Variants in CRLS1 observed in about 807,000 individuals in gnomAD.
CRLS1 encodes the protein cardiolipin synthase (CMP-forming).
A neutral mutation model predicts 37.0 loss-of-function variants in CRLS1; 24 were observed. That is an observed-to-expected ratio of 0.65 (90% CI 0.47 to 0.91). The LOEUF is 0.91. Among genes scored for constraint, CRLS1 ranks in the 40% least tolerant of loss-of-function variants. The pLI is 0.00. For missense variants in CRLS1, 373 were observed against 395.8 expected, an observed-to-expected ratio of 0.94 and a Z score of 0.49; for synonymous variants, 135 against 159.7, an observed-to-expected ratio of 0.85 and a Z score of 1.17.
chr20:6,031,190 T>G, intron 3 of CRLS1, 95 bp from the exon 4 acceptor site: 1 of 754,522 alleles, frequency 1.3e-6, no homozygotes, highest in Admixed American at 3.4e-5. Context: ...AAAACAGCAG[T>G]TTGTGGTAAG....
At chr20:6,021,634 CAT>C (rs1013981852) in intron 3 of CRLS1, among the ~76,000 whole-genome samples, 52 of 152,134 alleles carry the variant, frequency 3.4e-4, no homozygotes, top group African/African-American at 1.0e-3. Flanking sequence ...ATGTAAATAA[CAT>C]ATTTTAAATA....
intron 2 of CRLS1, among the ~76,000 whole-genome samples, chr20:6,015,154 G>A (rs1036866150): frequency 2.6e-5 from 4 of 152,050 alleles, no homozygotes; most frequent in Non-Finnish European, 4.4e-5. Context: ...GAAAATAAAT[G>A]TGCATTTATT....
chr20:6,023,417 C>T (rs1869044716), intron 3 of CRLS1: 1 of 152,086 alleles, frequency 6.6e-6, no homozygotes, highest in African/African-American at 2.4e-5. Context: ...CCACATAGAC[C>T]ACCAGGTGAT....
intron 1 of CRLS1, 158 bp downstream of exon 1, chr20:6,006,710 A>T (rs2090061301): frequency 1.0e-6 from 1 of 985,116 alleles, no homozygotes; most frequent in Non-Finnish European, 1.2e-6. Flanking sequence ...TTCGGTCGGG[A>T]TGAATTTCAG....
chr20:6,018,318 T>C (rs1043425079), intron 3 of CRLS1, among the ~76,000 whole-genome samples: 1 of 152,046 alleles, frequency 6.6e-6, no homozygotes, highest in Non-Finnish European at 1.5e-5. Flanking sequence ...CGAAACTTGC[T>C]AACTTGTATT....
chr20:6,035,410 C>T (rs1002263461), intron 6 of CRLS1, among the ~76,000 whole-genome samples: 2 of 152,066 alleles, frequency 1.3e-5, no homozygotes, highest in African/African-American at 4.8e-5. Flanking sequence ...TAAGGTGATG[C>T]AAGAACTTAA....
At chr20:6,021,256 G>C (rs940601483) in intron 3 of CRLS1, among the ~76,000 whole-genome samples, 2 of 151,754 alleles carry the variant, frequency 1.3e-5, no homozygotes, top group African/African-American at 2.4e-5. Context: ...TAGTAGAGAC[G>C]GGGTTTCACC....
chr20:6,011,731 A>G (rs765860876), intron 2 of CRLS1, among the ~76,000 whole-genome samples: 6 of 150,374 alleles, frequency 4.0e-5, no homozygotes, highest in Admixed American at 1.3e-4. Context: ...GATTACTGGC[A>G]TGCACCACCA....
Position 6,015,351 on chromosome 20 carries a change from C to A in CRLS1, c.445-10C>A. 3 of 1,544,006 alleles carry A rather than the reference C, an allele frequency of 1.9e-6. No homozygotes were observed. The highest frequency in any genetic ancestry group is 1.2e-5 in the South Asian group (1 of 82,776). On this transcript the variant is annotated splice_polypyrimidine_tract_variant and intron_variant, in intron 2 of 6. Transcript: ENST00000378863. ...CATTTATATATATAAAAAAAAACTT[C>A]TATTTTCAGTTGGATGGATTTATTG... is the stretch of plus-strand genomic sequence containing the variant.
intron 3 of CRLS1, chr20:6,031,053 C>T (rs1980126736): frequency 7.7e-6 from 3 of 391,212 alleles, no homozygotes; most frequent in Non-Finnish European, 1.4e-5. Flanking sequence ...CAGATACAGA[C>T]TTCAAAGCCA....
At position 6,034,497 on chromosome 20, in the gene CRLS1, G is replaced by C; in HGVS notation, c.763G>C (p.Ala255Pro). 6.2e-7 allele frequency: 1 copy of C among 1,613,138 alleles called. No homozygotes were observed. Among genetic ancestry groups the C allele is most frequent in the Non-Finnish European group, 8.5e-7 (1 of 1,179,946 alleles). ...AGCAGTCCAGTTAATCTTGGTGGCA[G>C]CTTCTTTGGCAGCTCCAGTTTTCAA... The part of the protein sequence containing the change: ...NTAVQLILVA[A>P]SLAAPVFNYA... Residue 255 changes from alanine (A) to proline (P), a missense_variant, in exon 6 of 7, where the codon GCT becomes CCT. Transcript: ENST00000378863.
chr20:6,024,097 G>T (rs6053833), intron 3 of CRLS1, among the ~76,000 whole-genome samples: 112,575 of 151,816 alleles, frequency 0.74, 42,856 homozygotes, highest in African/African-American at 0.92. Context: ...AGACTACAGA[G>T]GTACACCACC....
chr20:6,026,730 C>T (rs1042735944), intron 3 of CRLS1, among the ~76,000 whole-genome samples: 2 of 152,138 alleles, frequency 1.3e-5, no homozygotes, highest in Non-Finnish European at 2.9e-5. Flanking sequence ...TAAGTCTATT[C>T]TGTAGATCCT....
intron 3 of CRLS1, among the ~76,000 whole-genome samples, chr20:6,024,683 C>T (rs914608690): frequency 6.6e-6 from 1 of 152,148 alleles, no homozygotes; most frequent in East Asian, 1.9e-4. Flanking sequence ...AAAGCTAGGC[C>T]GGTTGTGCCA....
intron 1 of CRLS1, chr20:6,007,181 G>C: frequency 7.3e-7 from 1 of 1,364,184 alleles, no homozygotes; most frequent in Non-Finnish European, 9.6e-7. Flanking sequence ...TTGATGTCAT[G>C]TTAGCAAGAC....
intron 5 of CRLS1, among the ~76,000 whole-genome samples, chr20:6,032,396 A>G (rs571881923): frequency 7.6e-6 from 1 of 131,954 alleles, no homozygotes; most frequent in East Asian, 2.2e-4. Flanking sequence ...ACAAGGTCTT[A>G]CTTTGTTGCC....
rs2123040788 is a variant in CRLS1 at position 6,038,136 on chromosome 20, A to C, written c.*978A>C. The C allele has an allele frequency of 6.6e-6, 1 of 152,338 alleles. No homozygotes were observed. The highest frequency in any genetic ancestry group is 1.9e-4 in the East Asian group (1 of 5,182). The allele number at this position is 152,338 out of a possible 1,614,324, so 9.4% of individuals were successfully genotyped here. On this transcript the variant is annotated 3_prime_UTR_variant, in exon 7 of 7. Coordinates refer to ENST00000378863, the MANE Select transcript of CRLS1 (RefSeq NM_019095.6). ...TTCACAGAGTCCATTCATGTACATC[A>C]CTTACACTTAAATTGTAAAAATAAT...
chr20:6,024,699 C>G (rs924736040), intron 3 of CRLS1, among the ~76,000 whole-genome samples: 1 of 152,170 alleles, frequency 6.6e-6, no homozygotes, highest in Non-Finnish European at 1.5e-5. Flanking sequence ...TGCCAAATAG[C>G]TAGCCAAGTT....
intron 3 of CRLS1, among the ~76,000 whole-genome samples, chr20:6,029,991 A>G (rs1246176791): frequency 2.0e-5 from 3 of 152,240 alleles, no homozygotes; most frequent in African/African-American, 4.8e-5. Context: ...GACCATAAGT[A>G]TAGCCTCCAA....
Sources: gnomAD v4.1 joint callset for allele counts (sites outside exome capture counted in the v4.1 genomes callset) on GRCh38, gnomAD v4.1.1 for gene constraint, MANE v1.5 for transcripts, NCBI Gene and HGNC (gene_info 2026-07-23, HGNC 2026-07-21) for gene names.